The following PPARGC1A variants were observed in gnomAD, a reference collection of about 807,000 sequenced individuals.
The protein encoded by PPARGC1A is PPARG coactivator 1 alpha, also known as peroxisome proliferator-activated receptor gamma coactivator 1-alpha.
In PPARGC1A, 25 loss-of-function variants were observed where a neutral mutation model predicts 88.7. The observed-to-expected ratio is 0.28, with a 90% CI of 0.21 to 0.39. The LOEUF (loss-of-function observed/expected upper bound fraction) is 0.39, where lower values mean the gene tolerates loss of function less well. Ranked by LOEUF, PPARGC1A falls within the 10% of genes least tolerant of loss-of-function variation. The probability of loss-of-function intolerance (pLI) is 1.00; values close to 1 mark genes in which losing one functional copy is unlikely to be tolerated. For synonymous variants in PPARGC1A, 363 were observed against 355.6 expected (o/e 1.02, Z -0.24); for missense variants, 880 against 968.7 (o/e 0.91, Z 1.22).
the PPARGC1A span, among the ~76,000 whole-genome samples, chr4:24,173,262 G>A: frequency 6.7e-6 from 1 of 150,164 alleles, no homozygotes; most frequent in African/African-American, 2.5e-5. Flanking sequence ...ATTCAACATG[G>A]AGGTGAAATA....
chr4:24,176,264 G>C, the PPARGC1A span, among the ~76,000 whole-genome samples: 2 of 152,220 alleles, frequency 1.3e-5, no homozygotes, highest in Non-Finnish European at 2.9e-5. Flanking sequence ...TTAGAACAGT[G>C]CTGCCCCCAA....
At chr4:24,196,170 G>A in the PPARGC1A span, among the ~76,000 whole-genome samples, 1 of 152,228 alleles carries the variant, frequency 6.6e-6, no homozygotes, top group Non-Finnish European at 1.5e-5. Context: ...TACTAGTGTA[G>A]GATGGATATC....
chr4:24,294,319 C>T, the PPARGC1A span, among the ~76,000 whole-genome samples: 15 of 152,032 alleles, frequency 9.9e-5, no homozygotes, highest in African/African-American at 2.4e-4. Context: ...AATAATGTTT[C>T]GATGTCCATT....
At chr4:24,255,315 C>A in the PPARGC1A span, among the ~76,000 whole-genome samples, 3 of 152,124 alleles carry the variant, frequency 2.0e-5, no homozygotes, top group Non-Finnish European at 2.9e-5. Flanking sequence ...TTTCTATTTG[C>A]CTCAGTTACT....
At chr4:24,247,909 C>T in the PPARGC1A span, among the ~76,000 whole-genome samples, 1 of 152,130 alleles carries the variant, frequency 6.6e-6, no homozygotes, top group African/African-American at 2.4e-5. Flanking sequence ...AACAGCGTCC[C>T]CACTGCCCTG....
the PPARGC1A span, among the ~76,000 whole-genome samples, chr4:24,204,156 C>T: frequency 1.7e-3 from 264 of 152,256 alleles, 3 homozygotes; most frequent in Non-Finnish European, 5.3e-4. Flanking sequence ...CCTAGGAACA[C>T]AGCATGATGT....
At chr4:24,102,258 G>A in the PPARGC1A span, among the ~76,000 whole-genome samples, 7 of 152,118 alleles carry the variant, frequency 4.6e-5, no homozygotes, top group Non-Finnish European at 8.8e-5. Context: ...CACAGGACAG[G>A]GAACAATTCA....
chr4:24,061,176 A>G, the PPARGC1A span, among the ~76,000 whole-genome samples: 1 of 152,142 alleles, frequency 6.6e-6, no homozygotes. Context: ...CCACCATGCT[A>G]GGGTAGAGCT....
At chr4:24,112,489 C>T in the PPARGC1A span, among the ~76,000 whole-genome samples, 1 of 152,176 alleles carries the variant, frequency 6.6e-6, no homozygotes, top group Admixed American at 6.5e-5. Context: ...TGGTTTCTGA[C>T]ATCAAGACTA....
At chr4:23,993,831 C>G in the PPARGC1A span, among the ~76,000 whole-genome samples, 1 of 152,018 alleles carries the variant, frequency 6.6e-6, no homozygotes, top group African/African-American at 2.4e-5. Context: ...TTTTCCTAAA[C>G]AGCACAGTAA....
At chr4:24,221,040 T>C in the PPARGC1A span, among the ~76,000 whole-genome samples, 4 of 152,182 alleles carry the variant, frequency 2.6e-5, no homozygotes, top group Non-Finnish European at 5.9e-5. Context: ...TGTAACATTA[T>C]TTTTTTAAAT....
At chr4:24,432,788 T>C in the PPARGC1A span, among the ~76,000 whole-genome samples, 994 of 152,298 alleles carry the variant, frequency 6.5e-3, 5 homozygotes, top group Non-Finnish European at 0.011. Flanking sequence ...TCCAATCAGA[T>C]AATTGATTTG....
intron 2 of PPARGC1A, among the ~76,000 whole-genome samples, chr4:23,835,242 A>G (rs1725785282): frequency 6.6e-6 from 1 of 152,230 alleles, no homozygotes; most frequent in South Asian, 2.1e-4. Context: ...GATAATTCCA[A>G]TCAAGTTAAA....
the PPARGC1A span, among the ~76,000 whole-genome samples, chr4:24,079,982 G>C: frequency 1.3e-5 from 2 of 151,902 alleles, no homozygotes; most frequent in Non-Finnish European, 2.9e-5. Flanking sequence ...CTAGAGAAAA[G>C]CCTGCTTTAC....
the PPARGC1A span, among the ~76,000 whole-genome samples, chr4:24,399,672 C>T: frequency 1.3e-5 from 2 of 152,096 alleles, no homozygotes; most frequent in Admixed American, 6.6e-5. Flanking sequence ...TAACAAAATA[C>T]GAACACTCAT....
chr4:24,470,326 T>TCTCACACACACACA, the PPARGC1A span, among the ~76,000 whole-genome samples: 1 of 110,378 alleles, frequency 9.1e-6, no homozygotes, highest in Non-Finnish European at 1.9e-5. This position sits in a 1 kb window ranked among gnomAD's most constrained non-coding sequence, Gnocchi z 5.8. Flanking sequence ...ACACACACAC[T>TCTCACACACACACA]CTCTCACACA....
chr4:24,312,633 CAAAAAA>C, the PPARGC1A span, among the ~76,000 whole-genome samples: 3 of 126,016 alleles, frequency 2.4e-5, no homozygotes, highest in South Asian at 5.1e-4. Flanking sequence ...TTTCATCAAC[CAAAAAA>C]AAAAAAAAAA....
the PPARGC1A span, among the ~76,000 whole-genome samples, chr4:24,454,099 C>T: frequency 1.3e-5 from 2 of 151,788 alleles, no homozygotes; most frequent in African/African-American, 4.8e-5. Context: ...ATGATGGAAA[C>T]GTGGATACAT....
intron 2 of PPARGC1A, among the ~76,000 whole-genome samples, chr4:23,838,509 A>G (rs1012782042): frequency 6.6e-6 from 1 of 152,242 alleles, no homozygotes; most frequent in African/African-American, 2.4e-5. Context: ...TATGTGTGCA[A>G]TAAAAAAATC....
Sources: gnomAD v4.1 joint callset for allele counts (sites outside exome capture counted in the v4.1 genomes callset) on GRCh38, gnomAD v4.1.1 for gene constraint, Gnocchi (gnomAD v3.1) non-coding constraint, MANE v1.5 for transcripts, NCBI Gene and HGNC (gene_info 2026-07-23, HGNC 2026-07-21) for gene names.